The following ANO4 variants were observed in gnomAD, a reference collection of about 807,000 sequenced individuals.
ANO4 encodes the protein anoctamin 4, also known as anoctamin-4.
Under a neutral mutation model 141.9 loss-of-function variants are expected in ANO4, and 69 were observed. The observed-to-expected ratio is 0.49, with a 90% CI of 0.40 to 0.59. The LOEUF (loss-of-function observed/expected upper bound fraction) is 0.59. Among genes scored for constraint, ANO4 ranks in the 20% least tolerant of loss-of-function variants. ANO4 has a pLI of 0.00. For synonymous variants in ANO4, 350 were observed against 394.3 expected (o/e 0.89, Z 1.33); for missense variants, 894 against 1,162.2 (o/e 0.77, Z 3.36).
intron 2 of ANO4, among the ~76,000 whole-genome samples, chr12:100,913,192 A>G (rs1428718466): frequency 6.6e-6 from 1 of 152,140 alleles, no homozygotes; most frequent in African/African-American, 2.4e-5. Context: ...ATGCATTTAG[A>G]GGGAATTTTC....
intron 8 of ANO4, among the ~76,000 whole-genome samples, chr12:101,014,842 A>G (rs2046248323): frequency 6.6e-6 from 1 of 152,026 alleles, no homozygotes; most frequent in Non-Finnish European, 1.5e-5. Context: ...ATATTTTCAA[A>G]TGTTTTTTAA....
chr12:101,056,506 A>G (rs1259075321), intron 14 of ANO4, among the ~76,000 whole-genome samples: 1 of 152,086 alleles, frequency 6.6e-6, no homozygotes, highest in African/African-American at 2.4e-5. Context: ...ATTCCTTAAT[A>G]TTTTCAACAT....
intron 1 of ANO4, among the ~76,000 whole-genome samples, chr12:100,823,608 A>G (rs1318310569): frequency 1.3e-5 from 2 of 152,090 alleles, no homozygotes; most frequent in Non-Finnish European, 2.9e-5. Flanking sequence ...CAGATGTTTT[A>G]AAACAATTTT....
intron 8 of ANO4, among the ~76,000 whole-genome samples, chr12:100,997,235 G>C (rs898866465): frequency 1.3e-5 from 2 of 151,374 alleles, no homozygotes; most frequent in African/African-American, 4.9e-5. Context: ...TCTGGAGGCT[G>C]AGGTAGGAGA....
chr12:100,729,724 C>G (rs957314937), intron 1 of ANO4, among the ~76,000 whole-genome samples: 3 of 152,148 alleles, frequency 2.0e-5, no homozygotes, highest in African/African-American at 7.2e-5. Context: ...TAAAATCTAG[C>G]CTTTTTGTTT....
chr12:100,746,453 T>TAAAAAAA (rs58996492), intron 3 of ANO4, among the ~76,000 whole-genome samples: 1 of 146,904 alleles, frequency 6.8e-6, no homozygotes, highest in Non-Finnish European at 1.5e-5. Context: ...ACTCTGTTAT[T>TAAAAAAA]AAAAAGAATG....
chr12:101,076,651 A>G (rs2049036644), intron 14 of ANO4, among the ~76,000 whole-genome samples: 1 of 152,176 alleles, frequency 6.6e-6, no homozygotes, highest in Non-Finnish European at 1.5e-5. Flanking sequence ...CCAGTAAGAC[A>G]GACTGGATGT....
intron 8 of ANO4, among the ~76,000 whole-genome samples, chr12:101,017,673 G>T (rs1021355455): frequency 2.0e-5 from 3 of 152,224 alleles, no homozygotes; most frequent in East Asian, 3.8e-4. Flanking sequence ...GAGCCAGACT[G>T]CCTGAGTTCA....
intron 1 of ANO4, among the ~76,000 whole-genome samples, chr12:100,727,542 T>C (rs1169170038): frequency 6.6e-6 from 1 of 152,170 alleles, no homozygotes; most frequent in Non-Finnish European, 1.5e-5. Flanking sequence ...TATTTTACTT[T>C]CAACATTTGT....
At chr12:101,073,324 A>C (rs1288976104) in intron 14 of ANO4, among the ~76,000 whole-genome samples, 1 of 152,170 alleles carries the variant, frequency 6.6e-6, no homozygotes, top group African/African-American at 2.4e-5. Flanking sequence ...TCACAAGGAC[A>C]GAAAACCAAA....
chr12:100,955,265 C>G (rs2043133757), intron 5 of ANO4, among the ~76,000 whole-genome samples: 1 of 152,238 alleles, frequency 6.6e-6, no homozygotes. Flanking sequence ...TCCGTCTGCT[C>G]CATAGGACAT....
chr12:101,075,171 T>C (rs2048973076), intron 14 of ANO4, among the ~76,000 whole-genome samples: 1 of 151,990 alleles, frequency 6.6e-6, no homozygotes, highest in Non-Finnish European at 1.5e-5. Context: ...TGGACCCAAA[T>C]AGGGAAAAAC....
intron 1 of ANO4, among the ~76,000 whole-genome samples, chr12:100,872,988 G>A (rs1326093235): frequency 6.6e-6 from 1 of 152,150 alleles, no homozygotes; most frequent in African/African-American, 2.4e-5. Flanking sequence ...TTGTTTAAAA[G>A]TGTGCAGCAC....
At position 100,723,404 on chromosome 12, in the gene ANO4, T is replaced by C. The variant is rs2030955884; in HGVS notation, c.22+5857T>C. Among the ~76,000 whole-genome samples, 3 of 152,146 alleles carry C rather than the reference T, an allele frequency of 2.0e-5. No homozygotes were observed. The South Asian group carries it at 6.2e-4, about 32-fold the overall frequency. ...GGCTTGTAGATAGTCATCTTCTTGC[T>C]GGATGCTCACGTGGCCTTTCCTTGG... is the stretch of plus-strand genomic sequence containing the variant. On this transcript the variant is annotated intron_variant, in intron 1 of 29. Transcript: ENST00000644049.
chr12:100,816,384 T>C (rs1162852780), intron 1 of ANO4, among the ~76,000 whole-genome samples: 1 of 152,018 alleles, frequency 6.6e-6, no homozygotes, highest in Non-Finnish European at 1.5e-5. Flanking sequence ...AGTGGTCCAT[T>C]ATCAGTTGAG....
intron 7 of ANO4, among the ~76,000 whole-genome samples, chr12:100,978,956 A>T (rs2136299690): frequency 6.6e-6 from 1 of 152,284 alleles, no homozygotes; most frequent in East Asian, 1.9e-4. Context: ...AATGCTAGAG[A>T]ATCCAGTGTG....
chr12:101,114,853 T>A (rs927040935), intron 24 of ANO4, among the ~76,000 whole-genome samples: 1 of 151,984 alleles, frequency 6.6e-6, no homozygotes, highest in Admixed American at 6.6e-5. Context: ...AGTAGGGGAG[T>A]CCTGCTGCCA....
chr12:100,793,549 T>C (rs77393635), upstream of ANO4, among the ~76,000 whole-genome samples: 7,120 of 151,884 alleles, frequency 0.047, 475 homozygotes, highest in African/African-American at 0.15. Flanking sequence ...AATTAAAAAC[T>C]CTACATCATG....
intron 8 of ANO4, among the ~76,000 whole-genome samples, chr12:101,014,375 G>A (rs547212336): frequency 6.6e-6 from 1 of 152,290 alleles, no homozygotes; most frequent in East Asian, 1.9e-4. Flanking sequence ...CACCCCGGGT[G>A]AAAACGAGGT....
Sources: gnomAD v4.1 joint callset for allele counts (sites outside exome capture counted in the v4.1 genomes callset) on GRCh38, gnomAD v4.1.1 for gene constraint, MANE v1.5 for transcripts, NCBI Gene and HGNC (gene_info 2026-07-23, HGNC 2026-07-21) for gene names.